SPATA17: variants seen among roughly 807,000 people sequenced by gnomAD.
SPATA17 encodes spermatogenesis-associated protein 17.
In SPATA17, 53 loss-of-function variants were observed where a neutral mutation model predicts 62.2. That is an observed-to-expected ratio of 0.85 (90% confidence interval 0.68 to 1.07). The LOEUF is 1.07. Among genes scored for constraint, SPATA17 ranks in the 50% least tolerant of loss-of-function variants. The pLI is 0.00. For missense variants in SPATA17, 466 were observed against 425.5 expected, an observed-to-expected ratio of 1.10 and a Z score of -0.84; for synonymous variants, 146 against 146.8, an observed-to-expected ratio of 0.99 and a Z score of 0.04.
intron 8 of SPATA17, among the ~76,000 whole-genome samples, chr1:217,786,765 CTTCTTCTTCTTCT>C (rs1558050826): frequency 0.022 from 3,283 of 146,776 alleles, 122 homozygotes; most frequent in African/African-American, 0.078. Flanking sequence ...TCTTCTTCTT[CTTCTTCTTCTTCT>C]TCTTCTTCTT....
intron 6 of SPATA17, among the ~76,000 whole-genome samples, chr1:217,747,881 A>G (rs376178192): frequency 6.6e-6 from 1 of 152,226 alleles, no homozygotes; most frequent in African/African-American, 2.4e-5. Flanking sequence ...AAAAGACCCT[A>G]TACTGTGATT....
chr1:217,835,473 C>T (rs1395387443), intron 9 of SPATA17, among the ~76,000 whole-genome samples: 1 of 152,118 alleles, frequency 6.6e-6, no homozygotes, highest in Non-Finnish European at 1.5e-5. Context: ...ATCTTATTTT[C>T]TAGATTAAGA....
At chr1:217,719,262 G>C (rs1571755846) in intron 5 of SPATA17, among the ~76,000 whole-genome samples, 2 of 152,340 alleles carry the variant, frequency 1.3e-5, no homozygotes, top group Admixed American at 1.3e-4. Context: ...TACCCGTGTA[G>C]CAGGATTTAT....
intron 5 of SPATA17, among the ~76,000 whole-genome samples, chr1:217,706,195 T>C (rs1671729386): frequency 6.6e-6 from 1 of 152,226 alleles, no homozygotes; most frequent in African/African-American, 2.4e-5. Context: ...TGAGCTCTTT[T>C]TTTGCCTCCA....
chr1:217,791,133 C>T (rs1474105580), intron 8 of SPATA17, among the ~76,000 whole-genome samples: 3 of 152,132 alleles, frequency 2.0e-5, no homozygotes, highest in Non-Finnish European at 2.9e-5. Context: ...TCAGCAGAGC[C>T]TTTTTAAGTT....
At chr1:217,812,647 G>A (rs1674619714) in intron 9 of SPATA17, among the ~76,000 whole-genome samples, 1 of 152,098 alleles carries the variant, frequency 6.6e-6, no homozygotes, top group South Asian at 2.1e-4. Flanking sequence ...TAAACTAGAT[G>A]TGAAATTAAA....
intron 9 of SPATA17, among the ~76,000 whole-genome samples, chr1:217,809,230 T>C (rs1455139872): frequency 1.3e-5 from 2 of 152,106 alleles, no homozygotes; most frequent in Admixed American, 6.5e-5. Flanking sequence ...GACATCTTAA[T>C]TAAAAATGGC....
In SPATA17 at chr1:217,745,288, A is replaced by C. The variant is rs1672722093; in HGVS notation, c.519+3190A>C. ...ATTTGATCACAGGTAACTAGAGATGAAAAGACAACCCTTTGAACCTATGGA... is the reference window on the plus strand; with the variant it reads ...ATTTGATCACAGGTAACTAGAGATGCAAAGACAACCCTTTGAACCTATGGA... On this transcript the variant is annotated intron_variant, in intron 6 of 10. Transcript: ENST00000366933. Among the ~76,000 whole-genome samples the C allele has an allele frequency of 2.0e-5, 3 of 152,204 alleles. No homozygotes were observed. In the South Asian group the frequency reaches 6.2e-4, roughly 31 times the overall value.
chr1:217,650,170 C>G (rs1221579932), intron 2 of SPATA17, among the ~76,000 whole-genome samples: 1 of 152,008 alleles, frequency 6.6e-6, no homozygotes, highest in African/African-American at 2.4e-5. Flanking sequence ...AACTCCCGAC[C>G]TCAGGTGATC....
In SPATA17 at chr1:217,660,390, A is replaced by G. The variant is rs143236183; in HGVS notation, c.241-8643A>G. Among the ~76,000 whole-genome samples, 22 of 152,316 alleles carry G rather than the reference A, an allele frequency of 1.4e-4. No homozygotes were observed. The East Asian group carries it at 2.9e-3, about 20-fold the overall frequency. The stretch of plus-strand genomic sequence containing the variant: ...AAAAATATCCCTGTGACTGACACAT[A>G]AAAGGCCTACTGAAATTTTTACCAA... On this transcript the variant is annotated intron_variant, in intron 3 of 10. Coordinates refer to ENST00000366933, the MANE Select transcript of SPATA17 (RefSeq NM_138796.4).
At chr1:217,792,817 C>T (rs760811659) in intron 8 of SPATA17, among the ~76,000 whole-genome samples, 7 of 152,050 alleles carry the variant, frequency 4.6e-5, no homozygotes, top group Non-Finnish European at 8.8e-5. Context: ...CAAGAATCTC[C>T]TCAGATTGAG....
At chr1:217,743,557 T>C (rs1672675125) in intron 6 of SPATA17, among the ~76,000 whole-genome samples, 1 of 152,118 alleles carries the variant, frequency 6.6e-6, no homozygotes, top group Non-Finnish European at 1.5e-5. Flanking sequence ...TGTATACTTA[T>C]GATGGGTATT....
chr1:217,823,394 G>A (rs1490887598), intron 9 of SPATA17, among the ~76,000 whole-genome samples: 1 of 151,798 alleles, frequency 6.6e-6, no homozygotes, highest in Non-Finnish European at 1.5e-5. Context: ...TGAGAATGTT[G>A]TTTTTTAGGA....
At chr1:217,722,725 T>A (rs1282698071) in intron 5 of SPATA17, among the ~76,000 whole-genome samples, 1 of 152,206 alleles carries the variant, frequency 6.6e-6, no homozygotes, top group Non-Finnish European at 1.5e-5. Context: ...CAGGACTTCA[T>A]TTGTCAGACA....
At chr1:217,674,028 T>G (rs1209530984) in intron 4 of SPATA17, among the ~76,000 whole-genome samples, 1 of 152,128 alleles carries the variant, frequency 6.6e-6, no homozygotes, top group Non-Finnish European at 1.5e-5. Context: ...TTCTTATATT[T>G]GCAGGGGGAA....
chr1:217,715,257 C>CT (rs1030438569), intron 5 of SPATA17, among the ~76,000 whole-genome samples: 2 of 152,076 alleles, frequency 1.3e-5, no homozygotes, highest in Non-Finnish European at 2.9e-5. Flanking sequence ...ATTGAAATAT[C>CT]TTTTTTACTC....
At chr1:217,656,578 G>T (rs144943140) in intron 3 of SPATA17, among the ~76,000 whole-genome samples, 3,801 of 150,932 alleles carry the variant, frequency 0.025, 60 homozygotes, top group Middle Eastern at 0.068. Context: ...ATGTATGTAT[G>T]TATTTATTTA....
chr1:217,831,589 T>C (rs1033620361), intron 9 of SPATA17, among the ~76,000 whole-genome samples: 1 of 152,182 alleles, frequency 6.6e-6, no homozygotes, highest in Non-Finnish European at 1.5e-5. Context: ...TAAAAAGGCC[T>C]ACTCCAAAAA....
intron 5 of SPATA17, among the ~76,000 whole-genome samples, chr1:217,689,320 G>T (rs773353528): frequency 4.3e-5 from 6 of 140,308 alleles, no homozygotes; most frequent in Non-Finnish European, 6.0e-5. Flanking sequence ...CTGCCTCCCT[G>T]GTTCAAGTGA....
Sources: allele counts gnomAD v4.1 joint callset (sites outside exome capture counted in the v4.1 genomes callset), GRCh38; gene constraint gnomAD v4.1.1; transcripts MANE v1.5; gene names NCBI Gene and HGNC (gene_info 2026-07-23, HGNC 2026-07-21).